MTO1: variants seen among roughly 807,000 people sequenced by gnomAD.
MTO1 encodes the protein 5-taurinomethyluridine-[tRNA] synthase subunit MTO1, mitochondrial.
A neutral mutation model predicts 71.6 loss-of-function variants in MTO1; 46 were observed. The observed-to-expected ratio is 0.64, with a 90% CI of 0.51 to 0.82. The LOEUF (loss-of-function observed/expected upper bound fraction) is 0.82. MTO1 is among the 40% of genes least tolerant of loss of function. MTO1 has a pLI of 0.00. For synonymous variants in MTO1, 297 were observed against 312.1 expected (o/e 0.95, Z 0.51); for missense variants, 773 against 867.5 (o/e 0.89, Z 1.37).
intron 10 of MTO1, among the ~76,000 whole-genome samples, chr6:73,497,417 G>GTGTTAGT (rs1164237992): frequency 6.6e-6 from 1 of 151,980 alleles, no homozygotes; most frequent in Non-Finnish European, 1.5e-5. Flanking sequence ...GCCTCCCAAA[G>GTGTTAGT]TGTTAGTATT....
intron 3 of MTO1, among the ~76,000 whole-genome samples, chr6:73,472,244 A>G (rs1481744773): frequency 2.0e-5 from 3 of 152,126 alleles, no homozygotes; most frequent in Non-Finnish European, 2.9e-5. Context: ...CTATCTTTCA[A>G]AAATACATTG....
chr6:73,480,218 GC>G, intron 6 of MTO1, 92 bp downstream of exon 6: 1 of 1,271,912 alleles, frequency 7.9e-7, no homozygotes, highest in Non-Finnish European at 1.1e-6. Context: ...GTTGTTCAGA[GC>G]CTCAGAAGAT....
intron 4 of MTO1, among the ~76,000 whole-genome samples, chr6:73,477,409 A>C (rs945815845): frequency 2.6e-5 from 4 of 151,534 alleles, no homozygotes; most frequent in African/African-American, 9.6e-5. Context: ...AAAAAAAAAA[A>C]AAAAAAGAAA....
At chr6:73,474,739 C>CCACT (rs1771261519) in intron 4 of MTO1, among the ~76,000 whole-genome samples, 2 of 151,496 alleles carry the variant, frequency 1.3e-5, no homozygotes, top group Non-Finnish European at 2.9e-5. Flanking sequence ...CAGATGTGAG[C>CCACT]CACTGCACCC....
In MTO1 at chr6:73,508,706, T is replaced by A. The variant is rs1045060022; in HGVS notation, c.*7971T>A. 6.6e-6 allele frequency: 1 copy of A among 152,178 alleles called. No individual in the cohort carries two copies. The highest frequency in any genetic ancestry group is 1.5e-5 in the Non-Finnish European group (1 of 68,042). The allele number at this position is 152,178 out of a possible 1,614,324, so 9.4% of individuals were successfully genotyped here. ...CCTAACTTCAACATAAAGATAGCTA[T>A]GAGAAAACATTCTTTGTACCCAACC... On this transcript the variant is annotated 3_prime_UTR_variant, in exon 12 of 12. Transcript: ENST00000498286.
chr6:73,494,324 T>C (rs1208569015), intron 10 of MTO1, among the ~76,000 whole-genome samples: 1 of 151,982 alleles, frequency 6.6e-6, no homozygotes, highest in African/African-American at 2.4e-5. Flanking sequence ...AATGATGTAG[T>C]GAAAAAAGCA....
At chr6:73,462,850 T>A (rs1461604487) in intron 1 of MTO1, among the ~76,000 whole-genome samples, 1 of 152,144 alleles carries the variant, frequency 6.6e-6, no homozygotes, top group African/African-American at 2.4e-5. Flanking sequence ...GTGCAGTGAC[T>A]ACTCATAGGC....
chr6:73,466,113 G>A (rs1770977439), intron 1 of MTO1, 96 bp from the exon 2 acceptor site: 2 of 1,079,456 alleles, frequency 1.9e-6, no homozygotes, highest in Non-Finnish European at 2.7e-6. Context: ...TATCATATGA[G>A]ATGATTATAG....
intron 7 of MTO1, 21 bp downstream of exon 7, chr6:73,480,826 T>C (rs1328400252): frequency 1.2e-6 from 2 of 1,612,438 alleles, no homozygotes; most frequent in East Asian, 4.5e-5. Flanking sequence ...AAGATATTAA[T>C]GTAAACTGAA....
chr6:73,494,884 G>A (rs547800158), intron 10 of MTO1, among the ~76,000 whole-genome samples: 47 of 148,178 alleles, frequency 3.2e-4, no homozygotes, highest in African/African-American at 7.5e-4. Context: ...GGTTCAAGCC[G>A]TTCTCCTGCC....
chr6:73,490,127 G>A (rs1771765598), intron 9 of MTO1, among the ~76,000 whole-genome samples: 1 of 152,124 alleles, frequency 6.6e-6, no homozygotes, highest in African/African-American at 2.4e-5. Flanking sequence ...CCCACTTTTT[G>A]ATGGGGTTGT....
intron 10 of MTO1, among the ~76,000 whole-genome samples, chr6:73,496,659 T>G (rs1005219676): frequency 6.4e-5 from 7 of 110,024 alleles, no homozygotes; most frequent in Non-Finnish European, 1.0e-4. Flanking sequence ...GTCCCCAGAG[T>G]GTGATGTTCC....
chr6:73,507,894 G>GT lies in MTO1; in HGVS notation c.*7160dup, dbSNP rs1466064771. ...CGGGAGGCTGAGGCAGGAGAATGGC[G>GT]TGAAGCCAGGAGGCGGAGCTTGCAA... is the stretch of plus-strand genomic sequence containing the variant. On this transcript the variant is annotated 3_prime_UTR_variant, in exon 12 of 12. Coordinates refer to ENST00000498286, the MANE Select transcript of MTO1 (RefSeq NM_012123.4). 1 of 151,650 alleles carries GT rather than the reference G, an allele frequency of 6.6e-6. No homozygotes were observed. Among genetic ancestry groups the GT allele is most frequent in the Admixed American group, 6.6e-5 (1 of 15,194 alleles). 9.4% of individuals were successfully genotyped at this position (151,650 alleles called of 1,614,324 possible).
At chr6:73,491,277 A>G (rs1771795611) in intron 9 of MTO1, among the ~76,000 whole-genome samples, 1 of 152,146 alleles carries the variant, frequency 6.6e-6, no homozygotes, top group South Asian at 2.1e-4. Context: ...AAAAAAAAAA[A>G]AAATCAGACA....
At chr6:73,497,558 T>C (rs1370141567) in intron 10 of MTO1, among the ~76,000 whole-genome samples, 178 bp from the exon 11 acceptor site, 3 of 152,190 alleles carry the variant, frequency 2.0e-5, no homozygotes, top group African/African-American at 7.2e-5. Flanking sequence ...CCATTTATCT[T>C]AGCTTCAGTT....
chr6:73,477,020 T>C (rs1582681624), intron 4 of MTO1, among the ~76,000 whole-genome samples: 3 of 151,934 alleles, frequency 2.0e-5, no homozygotes, highest in East Asian at 3.9e-4. Context: ...ACTGCTGTTC[T>C]TAAATGATCT....
rs555369011 is a variant in MTO1, at chr6:73,489,748, G to A, written c.1638-2486G>A. On this transcript the variant is annotated intron_variant, in intron 9 of 11. Coordinates refer to ENST00000498286, the MANE Select transcript of MTO1 (RefSeq NM_012123.4). ...GTGAATAGTGCCACAATAAACATAC[G>A]TGTGCATGTGTCTTTTAATTATAAA... 4.6e-5 allele frequency among the ~76,000 whole-genome samples: 7 copies of A among 152,132 alleles called. No homozygotes were observed. The South Asian group carries it at 1.5e-3, about 32-fold the overall frequency.
intron 10 of MTO1, among the ~76,000 whole-genome samples, chr6:73,493,638 G>T (rs886367247): frequency 1.3e-5 from 2 of 151,302 alleles, no homozygotes; most frequent in Non-Finnish European, 2.9e-5. Flanking sequence ...TGATCCGCCC[G>T]CCTTGGCCTC....
intron 1 of MTO1, among the ~76,000 whole-genome samples, chr6:73,464,843 A>T (rs1770934773): frequency 6.7e-6 from 1 of 149,002 alleles, no homozygotes; most frequent in Non-Finnish European, 1.5e-5. Flanking sequence ...CTCAAAAAAA[A>T]AAAAAAAAAA....
Sources: gnomAD v4.1 joint callset for allele counts (sites outside exome capture counted in the v4.1 genomes callset) on GRCh38, gnomAD v4.1.1 for gene constraint, MANE v1.5 for transcripts, NCBI Gene and HGNC (gene_info 2026-07-23, HGNC 2026-07-21) for gene names.